Variants in ARID4B observed in about 807,000 individuals in gnomAD.
The protein encoded by ARID4B is AT-rich interaction domain 4B.
ARID4B carries 26 observed loss-of-function variants against 147.5 expected under a neutral mutation model. The ratio of observed to expected loss-of-function variants is 0.18; its 90% CI spans 0.13 to 0.24. ARID4B has a LOEUF of 0.24. ARID4B is among the 10% of genes least tolerant of loss of function. ARID4B has a pLI of 1.00. For missense variants in ARID4B, 1,179 were observed against 1,511.5 expected (o/e 0.78, Z 3.65); for synonymous variants, 512 against 507.9 (o/e 1.01, Z -0.11).
intron 17 of ARID4B, among the ~76,000 whole-genome samples, chr1:235,205,062 T>G (rs778609220): frequency 1.3e-5 from 2 of 152,204 alleles, no homozygotes; most frequent in African/African-American, 4.8e-5. Context: ...TTCTGTACTA[T>G]AGAAACAACG....
intron 19 of ARID4B, among the ~76,000 whole-genome samples, chr1:235,183,120 G>C (rs542999742): frequency 8.6e-5 from 13 of 151,744 alleles, no homozygotes; most frequent in Non-Finnish European, 1.9e-4. Context: ...GCTTCTCCAA[G>C]TTTATATAAG....
chr1:235,177,871 C>T lies in ARID4B; in HGVS notation c.3377G>A (p.Gly1126Glu). Reference protein sequence around the residue: ...QKRVKDAQGGGSSSKKQKRSH... With the variant: ...QKRVKDAQGGESSSKKQKRSH... ...TCTTTTCTGCTTTTTTGATGAACTT[C>T]CTCCTCCCTGAGCATCTTTCACTCT... The change falls in exon 21 of 24, where the codon GGA becomes GAA. Residue 1126 changes from glycine (G) to glutamate (E), a missense_variant. Coordinates refer to ENST00000264183, the MANE Select transcript of ARID4B (RefSeq NM_016374.6). The T allele has an allele frequency of 6.2e-7, 1 of 1,611,298 alleles. No homozygotes were observed. The highest frequency in any genetic ancestry group is 8.5e-7 in the Non-Finnish European group (1 of 1,178,602).
At chr1:235,195,368 G>C (rs920394368) in intron 18 of ARID4B, among the ~76,000 whole-genome samples, 1 of 152,032 alleles carries the variant, frequency 6.6e-6, no homozygotes, top group Non-Finnish European at 1.5e-5. Flanking sequence ...CAAGGCGGGC[G>C]GATCACCTGA....
At chr1:235,173,790 A>ATG (rs1663616806) in intron 22 of ARID4B, among the ~76,000 whole-genome samples, 4 of 72,130 alleles carry the variant, frequency 5.5e-5, no homozygotes, top group African/African-American at 2.4e-4. Flanking sequence ...ATATATATAT[A>ATG]TATATATATA....
intron 23 of ARID4B, among the ~76,000 whole-genome samples, chr1:235,169,660 T>A (rs759811737): frequency 7.1e-6 from 1 of 140,656 alleles, no homozygotes; most frequent in Non-Finnish European, 1.6e-5. Context: ...CTCAGCCTCC[T>A]TTTTTTTTTT....
chr1:235,228,024 C>T (rs1306232617), intron 11 of ARID4B, among the ~76,000 whole-genome samples: 3 of 151,578 alleles, frequency 2.0e-5, no homozygotes, highest in Non-Finnish European at 2.9e-5. Context: ...TAGTAAGAGA[C>T]GGGGTTTCAC....
intron 2 of ARID4B, among the ~76,000 whole-genome samples, chr1:235,309,648 C>T (rs1451951053): frequency 6.6e-6 from 1 of 151,838 alleles, no homozygotes; most frequent in Non-Finnish European, 1.5e-5. Context: ...CCCCTCTGCC[C>T]GGCCGCCACC....
At chr1:235,326,177 A>G (rs751253589) in intron 2 of ARID4B, among the ~76,000 whole-genome samples, 1 of 152,126 alleles carries the variant, frequency 6.6e-6, no homozygotes, top group Admixed American at 6.5e-5. Flanking sequence ...GCATTCATAT[A>G]CATATTCTCT....
rs201684035 is a variant in ARID4B at position 235,172,764 on chromosome 1, G to A, written c.3665C>T (p.Ser1222Leu). 2.3e-5 allele frequency: 36 copies of A among 1,535,336 alleles called. No individual in the cohort carries two copies. The highest frequency in any genetic ancestry group is 2.6e-5 in the Non-Finnish European group (30 of 1,148,374). ...GGCACTTGTCATATTTTCCAGGTCC[G>A]CTATAAATTTAAAGCTTTCATTAAC... ...PKVYKWSFQM[S>L]DLENMTSAER... The change falls in exon 23 of 24, where the codon TCG becomes TTG. Residue 1222 changes from serine to leucine, a missense_variant and splice_region_variant. Coordinates refer to ENST00000264183, the MANE Select transcript of ARID4B (RefSeq NM_016374.6).
intron 2 of ARID4B, among the ~76,000 whole-genome samples, chr1:235,292,430 A>G (rs2103215233): frequency 6.6e-6 from 1 of 152,254 alleles, no homozygotes; most frequent in South Asian, 2.1e-4. Context: ...CCTGTCCAAC[A>G]TGGTGAAACC....
At chr1:235,190,732 A>G (rs1242578435) in intron 19 of ARID4B, among the ~76,000 whole-genome samples, 1 of 152,232 alleles carries the variant, frequency 6.6e-6, no homozygotes, top group Non-Finnish European at 1.5e-5. Flanking sequence ...TTTAGAAGCT[A>G]CTAGAGAATG....
At chr1:235,286,196 A>T (rs1671962265) in intron 2 of ARID4B, among the ~76,000 whole-genome samples, 1 of 152,118 alleles carries the variant, frequency 6.6e-6, no homozygotes, top group Non-Finnish European at 1.5e-5. Context: ...CACAATGCCC[A>T]GCTAATTTTT....
rs529758049 is a variant in ARID4B, at chr1:235,239,954, T to A, written c.585+359A>T. ...GATGGAAACACCCTGATTCACTAAG[T>A]ATGAGGAAAAGGTCTAGTTATCCCT... On this transcript the variant is annotated intron_variant, in intron 8 of 23. Coordinates refer to ENST00000264183, the MANE Select transcript of ARID4B (RefSeq NM_016374.6). Among the ~76,000 whole-genome samples the A allele has an allele frequency of 2.6e-4, 40 of 152,282 alleles. No individual in the cohort carries two copies. The South Asian group carries it at 8.3e-3, about 32-fold the overall frequency.
At chr1:235,313,917 C>A (rs1674254674) in intron 2 of ARID4B, among the ~76,000 whole-genome samples, 1 of 152,116 alleles carries the variant, frequency 6.6e-6, no homozygotes, top group South Asian at 2.1e-4. Flanking sequence ...CACAAAACTG[C>A]AACTTCAAAA....
intron 2 of ARID4B, among the ~76,000 whole-genome samples, chr1:235,263,362 TTAGAC>T (rs1290781115): frequency 1.3e-5 from 2 of 152,178 alleles, no homozygotes; most frequent in African/African-American, 4.8e-5. Flanking sequence ...ACTAACATCT[TTAGAC>T]TATTAGTATT....
At chr1:235,307,208 C>T (rs1004337971) in intron 2 of ARID4B, among the ~76,000 whole-genome samples, 20 of 152,138 alleles carry the variant, frequency 1.3e-4, no homozygotes, top group African/African-American at 4.8e-4. Context: ...CTTTGGGAGG[C>T]CAACAAGGGA....
At chr1:235,215,984 T>C (rs1232365877) in intron 16 of ARID4B, among the ~76,000 whole-genome samples, 3 of 152,060 alleles carry the variant, frequency 2.0e-5, no homozygotes, top group Non-Finnish European at 4.4e-5. Flanking sequence ...TAATATACTT[T>C]ATCATTCCTA....
In ARID4B at chr1:235,223,684, C is replaced by CGTTTTTTT. The variant is rs149769753; in HGVS notation, c.971-425_971-424insAAAAAAAC. ...AAATAATGATTCTATAGTAAAGCTA[C>CGTTTTTTT]ATTTTTTTTTTTTTTTCATTCTAAC... On this transcript the variant is annotated intron_variant, in intron 12 of 23. Transcript: ENST00000264183. Among the ~76,000 whole-genome samples, 28 of 117,156 alleles carry CGTTTTTTT rather than the reference C, an allele frequency of 2.4e-4. 1 individual carries two copies. The highest frequency in any genetic ancestry group is 1.2e-3 in the South Asian group (4 of 3,400). The allele number at this position is 117,156 out of a possible 152,430, so 76.9% of individuals were successfully genotyped here.
At chr1:235,280,736 A>G (rs10802590) in intron 2 of ARID4B, among the ~76,000 whole-genome samples, 70,617 of 151,668 alleles carry the variant, frequency 0.47, 16,715 homozygotes, top group South Asian at 0.6. Context: ...TGGCAAGGAA[A>G]ACCCTGTGAC....
Sources: allele counts gnomAD v4.1 joint callset (sites outside exome capture counted in the v4.1 genomes callset), GRCh38; gene constraint gnomAD v4.1.1; transcripts MANE v1.5; gene names NCBI Gene and HGNC (gene_info 2026-07-23, HGNC 2026-07-21).